TRMT2B: variants seen among roughly 807,000 people sequenced by gnomAD.
The protein encoded by TRMT2B is tRNA methyltransferase 2B.
TRMT2B carries 34 observed loss-of-function variants against 39.7 expected under a neutral mutation model. The observed-to-expected ratio is 0.86, with a 90% CI of 0.65 to 1.14. The LOEUF is 1.14. Among genes scored for constraint, TRMT2B ranks in the 50% most tolerant of loss-of-function variants. The probability of loss-of-function intolerance (pLI) is 0.00; values close to 1 mark genes in which losing one functional copy is unlikely to be tolerated. For synonymous variants in TRMT2B, 132 were observed against 137.3 expected, an observed-to-expected ratio of 0.96 and a Z score of 0.27; for missense variants, 318 against 377.2, an observed-to-expected ratio of 0.84 and a Z score of 1.30.
the TRMT2B span, among the ~76,000 whole-genome samples, chrX:100,981,522 G>A: frequency 9.1e-6 from 1 of 109,661 alleles, no homozygotes; most frequent in African/African-American, 3.3e-5. Flanking sequence ...TTATAACCAA[G>A]GTGGGGTGCG....
intron 4 of TRMT2B, among the ~76,000 whole-genome samples, chrX:101,040,191 G>A: frequency 9.2e-6 from 1 of 108,716 alleles, no homozygotes; most frequent in South Asian, 4.0e-4. Context: ...CTACTGGGGA[G>A]GCTGAGGCAG....
intron 10 of TRMT2B, among the ~76,000 whole-genome samples, 170 bp downstream of exon 10, chrX:101,020,931 A>T (rs2086770037): frequency 8.9e-6 from 1 of 111,914 alleles, no homozygotes; most frequent in East Asian, 2.8e-4. Flanking sequence ...TGCTTCACAA[A>T]GTGTTGGGAT....
the TRMT2B span, among the ~76,000 whole-genome samples, chrX:100,991,080 T>A: frequency 3.4e-4 from 38 of 111,943 alleles, no homozygotes; most frequent in Non-Finnish European, 6.8e-4. Context: ...ATAGGTTGAG[T>A]ATCCCTTATC....
the TRMT2B span, among the ~76,000 whole-genome samples, chrX:100,995,265 T>C: frequency 8.9e-6 from 1 of 111,938 alleles, no homozygotes; most frequent in African/African-American, 3.2e-5. Context: ...TGTATTTTTA[T>C]AGCTGCAACT....
chrX:100,994,539 C>T, the TRMT2B span, among the ~76,000 whole-genome samples: 1 of 111,592 alleles, frequency 9.0e-6, no homozygotes, highest in East Asian at 2.8e-4. Flanking sequence ...TCCTGCACTC[C>T]AGTCCTCACT....
intron 13 of TRMT2B, among the ~76,000 whole-genome samples, chrX:101,012,594 T>C (rs1214491156): frequency 9.2e-6 from 1 of 108,877 alleles, no homozygotes; most frequent in Non-Finnish European, 1.9e-5. Flanking sequence ...GTTCTTGCGA[T>C]AGTTTACTGA....
the TRMT2B span, among the ~76,000 whole-genome samples, chrX:100,978,405 A>G: frequency 1.8e-4 from 20 of 111,704 alleles, no homozygotes; most frequent in African/African-American, 5.8e-4. Context: ...GGGTGCATAT[A>G]TAATTGTTAT....
chrX:100,988,347 C>T, the TRMT2B span: 1 of 1,206,951 alleles, frequency 8.3e-7, no homozygotes, highest in Non-Finnish European at 1.1e-6. Context: ...CACCAACTAA[C>T]TTTCCCCCCC....
Position 101,044,850 on chromosome X carries a change from A to AC in TRMT2B, c.-23-2539_-23-2538insG, listed in dbSNP as rs1353624661. ...GTGAAACTCGGTCTCAAAAAAAAAA[A>AC]AAAAAAAAAAACCCTACAAAAATAC... On this transcript the variant is annotated intron_variant, in intron 2 of 13. Coordinates refer to ENST00000372936, the MANE Select transcript of TRMT2B (RefSeq NM_024917.6). 2.0e-3 allele frequency among the ~76,000 whole-genome samples: 217 copies of AC among 105,970 alleles called. 1 individual carries two copies. Among genetic ancestry groups the AC allele is most frequent in the African/African-American group, 7.1e-3 (207 of 29,179 alleles). 92.0% of individuals were successfully genotyped at this position (105,970 alleles called of 115,157 possible). A position where few individuals can be genotyped will look rare whatever the true frequency, so the allele number is the denominator to read the frequency against.
At position 101,029,342 on chromosome X, in the gene TRMT2B, T is replaced by C. The variant is rs147590393; in HGVS notation, c.610-5726A>G. On this transcript the variant is annotated intron_variant, in intron 7 of 13. Coordinates refer to ENST00000372936, the MANE Select transcript of TRMT2B (RefSeq NM_024917.6). ...TATTGTAGGGGGCTGATCCATGCAC[T>C]GTAGGATCTTTCATTTCATTTCATT... Among the ~76,000 whole-genome samples, 1,046 of 111,440 alleles carry C rather than the reference T, an allele frequency of 9.4e-3. 10 individuals are homozygous for C. The highest frequency in any genetic ancestry group is 0.032 in the African/African-American group (982 of 30,678).
the TRMT2B span, chrX:100,988,564 G>A: frequency 1.9e-6 from 2 of 1,031,469 alleles, no homozygotes; most frequent in South Asian, 4.9e-5. Context: ...TGAAGGTAAT[G>A]CTGGATCAGT....
rs756466377 is a variant in TRMT2B at position 101,019,281 on chromosome X, T to C, written c.1288+3A>G. ...GAACATCAAAATAGCTGTTCATCCT[T>C]ACGCAGTCCGGCACGGGCTGGGTTC... On this transcript the variant is annotated splice_donor_region_variant and intron_variant, in intron 12 of 13. Coordinates refer to ENST00000372936, the MANE Select transcript of TRMT2B (RefSeq NM_024917.6). 3 of 1,211,554 alleles carry C rather than the reference T, an allele frequency of 2.5e-6. No individual in the cohort carries two copies. The highest frequency in any genetic ancestry group is 1.1e-6 in the Non-Finnish European group (1 of 895,512).
At chrX:101,044,861 A>AAAAC (rs2088522744) in intron 2 of TRMT2B, among the ~76,000 whole-genome samples, 1 of 101,934 alleles carries the variant, frequency 9.8e-6, no homozygotes, top group Non-Finnish European at 2.0e-5. Flanking sequence ...AAAAAAAAAA[A>AAAAC]CCCTACAAAA....
the TRMT2B span, among the ~76,000 whole-genome samples, chrX:101,001,208 T>C: frequency 2.7e-5 from 3 of 110,789 alleles, no homozygotes; most frequent in South Asian, 3.9e-4. Flanking sequence ...ACCAATTAAA[T>C]TGGAATGTCT....
chrX:101,038,154 G>A (rs1477518025), intron 4 of TRMT2B, 103 bp from the exon 5 acceptor site: 3 of 715,199 alleles, frequency 4.2e-6, no homozygotes, highest in Non-Finnish European at 6.3e-6. Context: ...GATCACCTGA[G>A]GTTAGGAGTT....
the TRMT2B span, chrX:100,987,275 C>G: frequency 2.8e-5 from 21 of 749,176 alleles, no homozygotes; most frequent in Admixed American, 4.6e-4. Flanking sequence ...CAGAGCCTCT[C>G]TAGGCATAGC....
At chrX:101,017,129 A>G (rs1422973113) in intron 13 of TRMT2B, among the ~76,000 whole-genome samples, 2 of 109,907 alleles carry the variant, frequency 1.8e-5, no homozygotes, top group African/African-American at 6.6e-5. Flanking sequence ...CCATGATCAC[A>G]CCACTGCACT....
In TRMT2B at chrX:101,010,222, G is replaced by A. The variant is rs748363838; in HGVS notation, c.*359C>T. ...AGGTCAGGAGTTTGAGACCAGCCTG[G>A]CCAACATGGTGAAACCCTGTCTCTA... is the stretch of plus-strand genomic sequence containing the variant. On this transcript the variant is annotated 3_prime_UTR_variant, in exon 14 of 14. Coordinates refer to ENST00000372936, the MANE Select transcript of TRMT2B (RefSeq NM_024917.6). 1.2e-3 allele frequency: 164 copies of A among 131,290 alleles called. No homozygotes were observed. Among genetic ancestry groups the A allele is most frequent in the African/African-American group, 4.8e-3 (152 of 31,700 alleles). The allele number at this position is 131,290 out of a possible 1,213,427, so 10.8% of individuals were successfully genotyped here.
intron 4 of TRMT2B, 96 bp downstream of exon 4, chrX:101,041,221 A>AAAAT: frequency 1.3e-6 from 1 of 798,108 alleles, no homozygotes; most frequent in Non-Finnish European, 1.8e-6. Context: ...CTTAAAATTA[A>AAAAT]AAATAAATAA....
Sources: allele counts gnomAD v4.1 joint callset (sites outside exome capture counted in the v4.1 genomes callset), GRCh38; gene constraint gnomAD v4.1.1; transcripts MANE v1.5; gene names NCBI Gene and HGNC (gene_info 2026-07-23, HGNC 2026-07-21).